Variants in MPHOSPH6 observed in about 807,000 individuals in gnomAD.
MPHOSPH6 encodes the protein M-phase phosphoprotein 6.
In MPHOSPH6, 25 loss-of-function variants were observed where a neutral mutation model predicts 21.8. That is an observed-to-expected ratio of 1.15 (90% CI 0.83 to 1.60). The LOEUF (loss-of-function observed/expected upper bound fraction) is 1.60, where lower values mean the gene tolerates loss of function less well. MPHOSPH6 is among the 40% of genes most tolerant of loss of function. The probability of loss-of-function intolerance (pLI) is 0.00; values close to 1 mark genes in which losing one functional copy is unlikely to be tolerated. For missense variants in MPHOSPH6, 269 were observed against 181.8 expected (o/e 1.48, Z -2.76); for synonymous variants, 84 against 56.5 (o/e 1.49, Z -2.18).
chr16:82,154,871 GA>G (rs1288650588), intron 2 of MPHOSPH6, among the ~76,000 whole-genome samples: 2 of 152,074 alleles, frequency 1.3e-5, no homozygotes, highest in Non-Finnish European at 2.9e-5. Flanking sequence ...GAGGAGGTAG[GA>G]ACACTTTCCA....
At chr16:82,161,532 A>C in intron 2 of MPHOSPH6, among the ~76,000 whole-genome samples, 1 of 152,258 alleles carries the variant, frequency 6.6e-6, no homozygotes, top group East Asian at 1.9e-4. Context: ...ATAGATAGCA[A>C]AATCTTTCAT....
intron 3 of MPHOSPH6, among the ~76,000 whole-genome samples, 189 bp from the exon 4 acceptor site, chr16:82,149,592 A>G (rs1374175980): frequency 6.6e-6 from 1 of 152,256 alleles, no homozygotes; most frequent in East Asian, 1.9e-4. Context: ...TCAAAAAAAT[A>G]GTAAGGCAAA....
intron 1 of MPHOSPH6, among the ~76,000 whole-genome samples, chr16:82,166,074 G>T (rs184516373): frequency 6.6e-6 from 1 of 152,192 alleles, no homozygotes; most frequent in African/African-American, 2.4e-5. Context: ...GTGTAAAATG[G>T]TGAAATCTGC....
chr16:82,155,401 A>T (rs1906397261), intron 2 of MPHOSPH6, among the ~76,000 whole-genome samples: 1 of 152,240 alleles, frequency 6.6e-6, no homozygotes, highest in African/African-American at 2.4e-5. Flanking sequence ...TTATGCATGT[A>T]AACAATCTTA....
In MPHOSPH6 at chr16:82,166,354, T is replaced by C. The variant is rs112846348; in HGVS notation, c.52-2160A>G. ...ATGTGCACGCTATACTTCCCAGTCC[T>C]TTTGCCTTTGCGACTTAACACGTTT... On this transcript the variant is annotated intron_variant, in intron 1 of 4. Transcript: ENST00000258169. Among the ~76,000 whole-genome samples, 555 of 152,384 alleles carry C rather than the reference T, an allele frequency of 3.6e-3. 5 individuals carry two copies. The highest frequency in any genetic ancestry group is 5.2e-3 in the Non-Finnish European group (351 of 68,032).
intron 1 of MPHOSPH6, among the ~76,000 whole-genome samples, chr16:82,166,897 G>C (rs1338216974): frequency 6.6e-6 from 1 of 152,140 alleles, no homozygotes; most frequent in Non-Finnish European, 1.5e-5. Context: ...CTGTGAATAT[G>C]AATCAAGCAC....
Sources: allele counts gnomAD v4.1 joint callset (sites outside exome capture counted in the v4.1 genomes callset), GRCh38; gene constraint gnomAD v4.1.1; transcripts MANE v1.5; gene names NCBI Gene and HGNC (gene_info 2026-07-23, HGNC 2026-07-21).